The following ZNF503 variants were observed in gnomAD, a reference collection of about 807,000 sequenced individuals.
ZNF503 encodes the protein zinc finger protein 503.
ZNF503 carries 15 observed loss-of-function variants against 34.4 expected under a neutral mutation model. The observed-to-expected ratio is 0.44, with a 90% CI of 0.29 to 0.67. The LOEUF (loss-of-function observed/expected upper bound fraction) is 0.67. Ranked by LOEUF, ZNF503 falls within the 30% of genes least tolerant of loss-of-function variation. The pLI, the probability that ZNF503 is intolerant of heterozygous loss-of-function variation, is 0.13. For synonymous variants in ZNF503, 580 were observed against 456.8 expected, an observed-to-expected ratio of 1.27 and a Z score of -3.44; for missense variants, 1,007 against 926.8, an observed-to-expected ratio of 1.09 and a Z score of -1.12.
chr10:75,388,181 C>A, the ZNF503 span, among the ~76,000 whole-genome samples: 10 of 152,348 alleles, frequency 6.6e-5, no homozygotes, highest in East Asian at 1.7e-3. Context: ...GGGGCCTAGA[C>A]AGCTGGATCT....
chr10:75,314,515 A>G, the ZNF503 span, among the ~76,000 whole-genome samples: 1 of 152,208 alleles, frequency 6.6e-6, no homozygotes, highest in Admixed American at 6.5e-5. Context: ...AAAAGAAAAT[A>G]CAATGAGAAA....
At chr10:75,382,187 T>G in the ZNF503 span, among the ~76,000 whole-genome samples, 1 of 152,166 alleles carries the variant, frequency 6.6e-6, no homozygotes, top group Non-Finnish European at 1.5e-5. Flanking sequence ...AAATACTCCC[T>G]TAAAGTATGA....
chr10:75,362,353 G>A, the ZNF503 span, among the ~76,000 whole-genome samples: 1 of 152,056 alleles, frequency 6.6e-6, no homozygotes, highest in Admixed American at 6.5e-5. Flanking sequence ...GGTACTTGGG[G>A]GACCTAGAGC....
At chr10:75,295,510 A>G in the ZNF503 span, 1 of 152,220 alleles carries the variant, frequency 6.6e-6, no homozygotes, top group African/African-American at 2.4e-5. This position sits in a 1 kb window ranked among gnomAD's most constrained non-coding sequence, Gnocchi z 4.0. Context: ...GGAACATGAA[A>G]AACAGCACAT....
the ZNF503 span, among the ~76,000 whole-genome samples, chr10:75,356,272 A>G: frequency 6.6e-6 from 1 of 152,210 alleles, no homozygotes. Flanking sequence ...GCTGGAGTGC[A>G]GTGGCGCAAT....
the ZNF503 span, among the ~76,000 whole-genome samples, chr10:75,378,262 G>T: frequency 1.8e-4 from 27 of 152,178 alleles, no homozygotes; most frequent in Non-Finnish European, 3.2e-4. Context: ...TCAGAAAAAG[G>T]ACAACCCCTT....
the ZNF503 span, among the ~76,000 whole-genome samples, chr10:75,348,668 C>T: frequency 6.6e-5 from 10 of 152,044 alleles, no homozygotes; most frequent in East Asian, 1.9e-4. Context: ...CCTGCCACCA[C>T]GCCCGGCTAA....
At chr10:75,327,251 C>T in the ZNF503 span, among the ~76,000 whole-genome samples, 9 of 151,038 alleles carry the variant, frequency 6.0e-5, no homozygotes, top group African/African-American at 2.2e-4. Context: ...GCCCCTGGCC[C>T]CTACCCTTCC....
At chr10:75,357,534 A>C in the ZNF503 span, among the ~76,000 whole-genome samples, 1 of 152,120 alleles carries the variant, frequency 6.6e-6, no homozygotes, top group Non-Finnish European at 1.5e-5. Flanking sequence ...AAAGAAAATA[A>C]CTAATCACAA....
At chr10:75,329,816 C>T in the ZNF503 span, among the ~76,000 whole-genome samples, 3 of 152,130 alleles carry the variant, frequency 2.0e-5, no homozygotes, top group African/African-American at 7.2e-5. Context: ...CAAACAGGGA[C>T]AGTTTGACTT....
chr10:75,355,289 C>A, the ZNF503 span, among the ~76,000 whole-genome samples: 89 of 152,268 alleles, frequency 5.8e-4, no homozygotes, highest in African/African-American at 2.0e-3. Context: ...CCTACAGCAC[C>A]TTTTTTTCTT....
chr10:75,398,442 C>A lies in ZNF503; in HGVS notation c.*307G>T. ...AACATAAATAAATACCAGTGTCCACCGATGCAGTCCTCAGATGAACACTTT... is the reference window on the plus strand; with the variant it reads ...AACATAAATAAATACCAGTGTCCACAGATGCAGTCCTCAGATGAACACTTT... On this transcript the variant is annotated 3_prime_UTR_variant, in exon 2 of 2. Coordinates refer to ENST00000372524, the MANE Select transcript of ZNF503 (RefSeq NM_032772.6). 3.8e-6 allele frequency: 1 copy of A among 260,000 alleles called. No homozygotes were observed. Among genetic ancestry groups the A allele is most frequent in the South Asian group, 1.7e-4 (1 of 5,824 alleles). The allele number at this position is 260,000 out of a possible 1,614,324, so 16.1% of individuals were successfully genotyped here.
the ZNF503 span, among the ~76,000 whole-genome samples, chr10:75,334,682 T>A: frequency 8.2e-3 from 1,244 of 152,320 alleles, 9 homozygotes; most frequent in Middle Eastern, 0.02. Flanking sequence ...TAAAACTATA[T>A]CCCATTAGGA....
the ZNF503 span, among the ~76,000 whole-genome samples, chr10:75,300,379 C>T: frequency 1.7e-3 from 255 of 152,180 alleles, no homozygotes; most frequent in African/African-American, 5.7e-3. Flanking sequence ...GTGCAGTTAA[C>T]GCAATCATCA....
chr10:75,369,847 A>G, the ZNF503 span, among the ~76,000 whole-genome samples: 1 of 152,154 alleles, frequency 6.6e-6, no homozygotes, highest in Non-Finnish European at 1.5e-5. Flanking sequence ...TGGGCAGATC[A>G]CTTGAGGCCA....
At chr10:75,295,801 T>G in the ZNF503 span, 1 of 152,222 alleles carries the variant, frequency 6.6e-6, no homozygotes, top group Non-Finnish European at 1.5e-5. This position sits in a 1 kb window ranked among gnomAD's most constrained non-coding sequence, Gnocchi z 4.0. Flanking sequence ...TTTTTCATGT[T>G]TTATACTAAT....
At chr10:75,333,209 G>A in the ZNF503 span, among the ~76,000 whole-genome samples, 5 of 119,562 alleles carry the variant, frequency 4.2e-5, no homozygotes, top group South Asian at 3.1e-4. Context: ...CCTCCCGGAC[G>A]GGGCGGCTGG....
the ZNF503 span, among the ~76,000 whole-genome samples, chr10:75,375,788 A>T: frequency 2.0e-5 from 3 of 152,178 alleles, no homozygotes; most frequent in South Asian, 6.2e-4. Context: ...AACTGCTGGG[A>T]TTACATACAT....
Position 75,399,742 on chromosome 10 carries a change from G to A in ZNF503, c.948C>T (p.Gly316=). 6.3e-7 allele frequency: 1 copy of A among 1,594,332 alleles called. No homozygotes were observed. Among genetic ancestry groups the A allele is most frequent in the Non-Finnish European group, 8.5e-7 (1 of 1,175,202 alleles). The change falls in exon 2 of 2, where the codon GGC becomes GGT. Residue 316 remains glycine, a synonymous_variant. Transcript: ENST00000372524. ...ALGSDCGGSS[G]SSSGSGPSAP... ...CGCTGGGGCCGGAGCCGGAGCTGGA[G>A]CCCGATGAACCGCCGCAGTCCGAGC... is the stretch of plus-strand genomic sequence containing the variant.
Sources: allele counts gnomAD v4.1 joint callset (sites outside exome capture counted in the v4.1 genomes callset), GRCh38; gene constraint gnomAD v4.1.1; non-coding constraint Gnocchi (gnomAD v3.1); transcripts MANE v1.5; gene names NCBI Gene and HGNC (gene_info 2026-07-23, HGNC 2026-07-21).